BPIFB2: variants seen among roughly 807,000 people sequenced by gnomAD.
BPIFB2 encodes the protein BPI fold-containing family B member 2.
In BPIFB2, 39 loss-of-function variants were observed where a neutral mutation model predicts 50.1. The ratio of observed to expected loss-of-function variants is 0.78; its 90% CI spans 0.60 to 1.02. The LOEUF is 1.02. Ranked by LOEUF, BPIFB2 falls within the 50% of genes least tolerant of loss-of-function variation. BPIFB2 has a pLI of 0.00. For missense variants in BPIFB2, 574 were observed against 585.8 expected (o/e 0.98, Z 0.21); for synonymous variants, 280 against 256.3 (o/e 1.09, Z -0.88).
Position 33,020,315 on chromosome 20 carries a change from C to T in BPIFB2, c.1081-13C>T, listed in dbSNP as rs1978614715. On this transcript the variant is annotated splice_polypyrimidine_tract_variant and intron_variant, in intron 11 of 15. Coordinates refer to ENST00000170150, the MANE Select transcript of BPIFB2 (RefSeq NM_025227.3). The stretch of plus-strand genomic sequence containing the variant: ...CTCTGTGCCCTCTGACCCTGCTCTC[C>T]CCATGTGCCCAGGTAGTGAACTTGA... 1 of 1,613,584 alleles carries T rather than the reference C, an allele frequency of 6.2e-7. No individual in the cohort carries two copies. Among genetic ancestry groups the T allele is most frequent in the Non-Finnish European group, 8.5e-7 (1 of 1,179,646 alleles).
Position 33,019,083 on chromosome 20 carries a change from A to G in BPIFB2, c.877A>G (p.Asn293Asp). Residue 293 changes from asparagine to aspartate, a missense_variant, in exon 10 of 16, where the codon AAC becomes GAC. Coordinates refer to ENST00000170150, the MANE Select transcript of BPIFB2 (RefSeq NM_025227.3). ...GQLRSDDNLLNTSALGRLIPE... is the reference protein window; with the variant it reads ...GQLRSDDNLLDTSALGRLIPE... ...TCAGAGGTCGGATGACAACCTGCTG[A>G]ACACCTCTGCTCTGGGCCGGCTCAT... 1 of 1,614,088 alleles carries G rather than the reference A, an allele frequency of 6.2e-7. No individual in the cohort carries two copies. Among genetic ancestry groups the G allele is most frequent in the South Asian group, 1.1e-5 (1 of 91,056 alleles).
rs767736667 is a variant in BPIFB2, at chr20:33,019,667, G to A, written c.997G>A (p.Ala333Thr). Residue 333 changes from alanine (A) to threonine (T), a missense_variant, in exon 11 of 16, where the codon GCC becomes ACC. By Grantham distance (58) the Ala-to-Thr change is moderately conservative. Transcript: ENST00000170150. ...TPVAMLHTNN[A>T]TLRLQPFVEV... ...TGTGGCCATGCTCCACACAAACAACGCCACCCTGCGGCTGCAGCCCTTCGT... is the reference window on the plus strand; with the variant it reads ...TGTGGCCATGCTCCACACAAACAACACCACCCTGCGGCTGCAGCCCTTCGT... 26 of 1,612,574 alleles carry A rather than the reference G, an allele frequency of 1.6e-5. No homozygotes were observed. The Admixed American group carries it at 3.3e-4, about 21-fold the overall frequency.
At chr20:33,012,272 T>A (rs1440210772) in intron 3 of BPIFB2, among the ~76,000 whole-genome samples, 1 of 152,222 alleles carries the variant, frequency 6.6e-6, no homozygotes, top group East Asian at 1.9e-4. Flanking sequence ...GACACAGGAT[T>A]GAACCCAGGA....
Position 33,023,429 on chromosome 20 carries a change from G to A in BPIFB2, c.*46G>A, listed in dbSNP as rs375410534. Reference sequence around the variant, plus strand: ...TGAGAGTGGGCCAGCTCGCTGCTCAGGCGAATTTCTCATTTCAAGCCACTG... The same window carrying A: ...TGAGAGTGGGCCAGCTCGCTGCTCAAGCGAATTTCTCATTTCAAGCCACTG... On this transcript the variant is annotated 3_prime_UTR_variant, in exon 16 of 16. Coordinates refer to ENST00000170150, the MANE Select transcript of BPIFB2 (RefSeq NM_025227.3). The A allele has an allele frequency of 7.5e-6, 12 of 1,596,422 alleles. No homozygotes were observed. Among genetic ancestry groups the A allele is most frequent in the Middle Eastern group, 1.7e-4 (1 of 6,028 alleles).
Position 33,019,051 on chromosome 20 carries a change from G to A in BPIFB2, c.856-11G>A. On this transcript the variant is annotated splice_polypyrimidine_tract_variant and intron_variant, in intron 9 of 15. Coordinates refer to ENST00000170150, the MANE Select transcript of BPIFB2 (RefSeq NM_025227.3). ...CCTAAAACCTGTTGTGGCCTGGGGT[G>A]CTGATTTCAGAGGTCGGATGACAAC... is the stretch of plus-strand genomic sequence containing the variant. 2 of 1,614,182 alleles carry A rather than the reference G, an allele frequency of 1.2e-6. No homozygotes were observed. Among genetic ancestry groups the A allele is most frequent in the Non-Finnish European group, 1.7e-6 (2 of 1,180,024 alleles).
At position 33,013,936 on chromosome 20, in the gene BPIFB2, C is replaced by T. The variant is rs539370219; in HGVS notation, c.435C>T (p.Asn145=). Residue 145 remains asparagine, a synonymous_variant, in exon 5 of 16, where the codon AAC becomes AAT. Transcript: ENST00000170150. The stretch of plus-strand genomic sequence containing the variant: ...GCTCTTTATTCTCGGGCCACGCCAA[C>T]GAGTTTGATGGCAGTAACAGGTGGG... ...SACSLFSGHA[N]EFDGSNSTSH... 2.8e-5 allele frequency: 45 copies of T among 1,613,714 alleles called. No homozygotes were observed. The highest frequency in any genetic ancestry group is 8.8e-5 in the South Asian group (8 of 91,050).
intron 5 of BPIFB2, among the ~76,000 whole-genome samples, chr20:33,014,434 C>A (rs1990330934): frequency 6.6e-6 from 1 of 152,206 alleles, no homozygotes; most frequent in African/African-American, 2.4e-5. Context: ...CAGGCCCTTT[C>A]CATAGATCAT....
chr20:33,013,802 C>T lies in BPIFB2; in HGVS notation c.309-8C>T. On this transcript the variant is annotated splice_region_variant and splice_polypyrimidine_tract_variant and intron_variant, in intron 4 of 15. Coordinates refer to ENST00000170150, the MANE Select transcript of BPIFB2 (RefSeq NM_025227.3). Reference sequence around the variant, plus strand: ...TGCTGCTCGGGCTCAGGACTGGCATCCCTACAGCGCCCCAGAGCCCCTGGA... The same window carrying T: ...TGCTGCTCGGGCTCAGGACTGGCATTCCTACAGCGCCCCAGAGCCCCTGGA... The T allele has an allele frequency of 6.2e-7, 1 of 1,611,642 alleles. No homozygotes were observed. The highest frequency in any genetic ancestry group is 8.5e-7 in the Non-Finnish European group (1 of 1,179,240).
Position 33,021,303 on chromosome 20 carries a change from T to C in BPIFB2, c.1217T>C (p.Met406Thr). 1 of 1,614,006 alleles carries C rather than the reference T, an allele frequency of 6.2e-7. No homozygotes were observed. The highest frequency in any genetic ancestry group is 1.3e-5 in the African/African-American group (1 of 75,058). The change falls in exon 14 of 16, where the codon ATG becomes ACG. Residue 406 changes from methionine to threonine, a missense_variant. Coordinates refer to ENST00000170150, the MANE Select transcript of BPIFB2 (RefSeq NM_025227.3). ...CAGACAGATCAGGTGCGCACACTGA[T>C]GGGCACCGTTTTTGAGAAGCCCCTG... The part of the protein sequence containing the change: ...FIDTDQVRTL[M>T]GTVFEKPLLD...
chr20:33,008,703 G>C lies in BPIFB2; in HGVS notation c.109+20G>C. On this transcript the variant is annotated intron_variant, in intron 2 of 15. Transcript: ENST00000170150. Reference sequence around the variant, plus strand: ...GCTACGGTAAGCGGTGTGTTACCCAGTGAGTGTCTGTGAGCCTGTACATGC... The same window carrying C: ...GCTACGGTAAGCGGTGTGTTACCCACTGAGTGTCTGTGAGCCTGTACATGC... 6.4e-7 allele frequency: 1 copy of C among 1,556,400 alleles called. No individual in the cohort carries two copies.
Position 33,019,577 on chromosome 20 carries a change from C to G in BPIFB2, c.910-3C>G, listed in dbSNP as rs775998788. On this transcript the variant is annotated splice_region_variant and splice_polypyrimidine_tract_variant and intron_variant, in intron 10 of 15. Coordinates refer to ENST00000170150, the MANE Select transcript of BPIFB2 (RefSeq NM_025227.3). ...AGGGCCTCCTCCGCCTCTGCCTCCCCAGGTGGCCCGCCAGTTTCCCGAGCC... is the reference window on the plus strand; with the variant it reads ...AGGGCCTCCTCCGCCTCTGCCTCCCGAGGTGGCCCGCCAGTTTCCCGAGCC... 6 of 1,580,812 alleles carry G rather than the reference C, an allele frequency of 3.8e-6. No individual in the cohort carries two copies. Among genetic ancestry groups the G allele is most frequent in the Admixed American group, 1.7e-5 (1 of 57,260 alleles).
intron 5 of BPIFB2, 43 bp downstream of exon 5, chr20:33,013,999 C>A: frequency 1.3e-6 from 2 of 1,588,980 alleles, no homozygotes; most frequent in South Asian, 1.1e-5. Context: ...TCCCAGATGC[C>A]AAAGCTGTGC....
chr20:33,020,654 G>A lies in BPIFB2; in HGVS notation c.1194+67G>A. 8 of 1,497,014 alleles carry A rather than the reference G, an allele frequency of 5.3e-6. No homozygotes were observed. In the South Asian group the frequency reaches 1.0e-4, roughly 20 times the overall value. The allele number at this position is 1,497,014 out of a possible 1,614,324, so 92.7% of individuals were successfully genotyped here. A position where few individuals can be genotyped will look rare whatever the true frequency, so the allele number is the denominator to read the frequency against. ...TAGGGCACACCTTGAGCCTGGGGAA[G>A]AGATGGCTGTGTACATGTGCTGACC... is the stretch of plus-strand genomic sequence containing the variant. On this transcript the variant is annotated intron_variant, in intron 13 of 15. Transcript: ENST00000170150.
intron 11 of BPIFB2, 151 bp downstream of exon 11, chr20:33,019,901 G>A (rs1354663819): frequency 9.1e-7 from 1 of 1,099,118 alleles, no homozygotes; most frequent in Admixed American, 3.0e-5. Flanking sequence ...ACCTTTGCAT[G>A]TGCTGAGCCC....
Position 33,019,584 on chromosome 20 carries a change from C to T in BPIFB2, c.914C>T (p.Ala305Val). The T allele has an allele frequency of 6.3e-7, 1 of 1,582,530 alleles. No individual in the cohort carries two copies. ...CCTCCGCCTCTGCCTCCCCAGGTGG[C>T]CCGCCAGTTTCCCGAGCCCATGCCT... ...SALGRLIPEV[A>V]RQFPEPMPVV... The change falls in exon 11 of 16, where the codon GCC becomes GTC. Residue 305 changes from alanine (A) to valine (V), a missense_variant. Transcript: ENST00000170150.
At position 33,018,242 on chromosome 20, in the gene BPIFB2, A is replaced by G. The variant is rs745493306; in HGVS notation, c.578-17A>G. ...CTAAATATGCCATCTTTTCTTCTCT[A>G]CCCTGGTTTCATGAAGGCCTCAACC... is the stretch of plus-strand genomic sequence containing the variant. On this transcript the variant is annotated splice_polypyrimidine_tract_variant and intron_variant, in intron 7 of 15. Coordinates refer to ENST00000170150, the MANE Select transcript of BPIFB2 (RefSeq NM_025227.3). The G allele has an allele frequency of 6.3e-7, 1 of 1,581,742 alleles. No individual in the cohort carries two copies. The highest frequency in any genetic ancestry group is 1.3e-5 in the African/African-American group (1 of 74,224).
intron 13 of BPIFB2, 138 bp downstream of exon 13, chr20:33,020,725 T>C: frequency 2.0e-6 from 2 of 976,176 alleles, no homozygotes; most frequent in East Asian, 2.7e-5. Flanking sequence ...CCGGGCTGCT[T>C]GGGGACAGTG....
At position 33,010,285 on chromosome 20, in the gene BPIFB2, C is replaced by T. The variant is rs772527290; in HGVS notation, c.110-739C>T. Among the ~76,000 whole-genome samples, 8 of 152,204 alleles carry T rather than the reference C, an allele frequency of 5.3e-5. No individual in the cohort carries two copies. In the South Asian group the frequency reaches 1.7e-3, roughly 31 times the overall value. On this transcript the variant is annotated intron_variant, in intron 2 of 15. Coordinates refer to ENST00000170150, the MANE Select transcript of BPIFB2 (RefSeq NM_025227.3). ...GCTTTCCCTGGCCAGGTGCCCTCAC[C>T]TCTCTGTAAACTGGGCACGATAACA...
chr20:33,023,393 A>G lies in BPIFB2; in HGVS notation c.*10A>G. The G allele has an allele frequency of 6.2e-7, 1 of 1,613,760 alleles. No individual in the cohort carries two copies. The highest frequency in any genetic ancestry group is 8.5e-7 in the Non-Finnish European group (1 of 1,179,700). On this transcript the variant is annotated 3_prime_UTR_variant, in exon 16 of 16. Transcript: ENST00000170150. ...CTTCTACCAGAGCTGAGGCAAGACC[A>G]CTGGGAGGCCTGAGAGTGGGCCAGC...
Sources: gnomAD v4.1 joint callset for allele counts (sites outside exome capture counted in the v4.1 genomes callset) on GRCh38, gnomAD v4.1.1 for gene constraint, MANE v1.5 for transcripts, NCBI Gene and HGNC (gene_info 2026-07-23, HGNC 2026-07-21) for gene names.